Variants in WFDC10B observed in about 807,000 individuals in gnomAD.
WFDC10B encodes WAP four-disulfide core domain 10B.
A neutral mutation model predicts 2.7 loss-of-function variants in WFDC10B; 1 was observed. That is an observed-to-expected ratio of 0.38 (90% CI 0.13 to 1.79). WFDC10B has a LOEUF of 1.79. Among genes scored for constraint, WFDC10B ranks in the 40% most tolerant of loss-of-function variants. The pLI, the probability that WFDC10B is intolerant of heterozygous loss-of-function variation, is 0.33. For missense variants in WFDC10B, 71 were observed against 87.8 expected (o/e 0.81, Z 0.76); for synonymous variants, 26 against 32.2 (o/e 0.81, Z 0.65).
At chr20:45,702,218 G>A in intron 2 of WFDC10B, 1 of 1,609,802 alleles carries the variant, frequency 6.2e-7, no homozygotes, top group Non-Finnish European at 8.5e-7. Context: ...CTGAGTAGGT[G>A]CTGGATCTGG....
At chr20:45,686,275 G>T (rs1164931787) in intron 2 of WFDC10B, among the ~76,000 whole-genome samples, 1 of 152,076 alleles carries the variant, frequency 6.6e-6, no homozygotes, top group Non-Finnish European at 1.5e-5. Context: ...TTTTCCAAAA[G>T]GTACTCTTTA....
intron 3 of WFDC10B, 67 bp downstream of exon 3, chr20:45,685,835 A>C: frequency 6.3e-7 from 1 of 1,591,614 alleles, no homozygotes. Context: ...TCCTACTCAG[A>C]CTGGACACAG....
At chr20:45,698,547 T>A (rs1984046328) in intron 2 of WFDC10B, among the ~76,000 whole-genome samples, 1 of 147,080 alleles carries the variant, frequency 6.8e-6, no homozygotes. Context: ...GTATCCAGAA[T>A]ATATTAAAGA....
intron 2 of WFDC10B, chr20:45,702,021 TG>T: frequency 9.5e-7 from 1 of 1,052,810 alleles, no homozygotes; most frequent in Non-Finnish European, 1.4e-6. Flanking sequence ...CTAGTCACAC[TG>T]GGCCTCCACT....
rs753922724 is a variant in WFDC10B at position 45,684,905 on chromosome 20, T to A, written c.147A>T (p.Ser49=). The A allele has an allele frequency of 5.0e-6, 8 of 1,613,956 alleles. No homozygotes were observed. Among genetic ancestry groups the A allele is most frequent in the Non-Finnish European group, 6.8e-6 (8 of 1,179,986 alleles). ...TATTTGTTTCACACTTTTGGAAATA[T>A]GAACAGTGGTGGATGCATAGATCTA... The part of the protein sequence containing the change: ...PSIDLCIHHC[S]YFQKCETNKI... The change falls in exon 4 of 4, where the codon TCA becomes TCT. Residue 49 remains serine, a synonymous_variant. Coordinates refer to ENST00000330523, the MANE Select transcript of WFDC10B (RefSeq NM_172006.2).
intron 2 of WFDC10B, chr20:45,702,289 C>A: frequency 7.1e-7 from 1 of 1,403,052 alleles, no homozygotes; most frequent in Non-Finnish European, 9.9e-7. Flanking sequence ...CAGTCTGTCA[C>A]ACCTCTTGGA....
intron 3 of WFDC10B, 116 bp downstream of exon 3, chr20:45,685,786 G>T: frequency 6.8e-7 from 1 of 1,479,268 alleles, no homozygotes; most frequent in Non-Finnish European, 9.1e-7. Flanking sequence ...ACAGCATTGT[G>T]GTCAGAGCTG....
chr20:45,704,804 C>T (rs1052688439), intron 1 of WFDC10B, 114 bp downstream of exon 1: 4 of 1,306,820 alleles, frequency 3.1e-6, no homozygotes, highest in Non-Finnish European at 4.4e-6. Flanking sequence ...TCACCACATC[C>T]CATCACCATA....
rs1287140090 is a variant in WFDC10B at position 45,704,651 on chromosome 20, G to GA, written c.-129-91dup. The GA allele has an allele frequency of 1.9e-6, 3 of 1,590,678 alleles. No individual in the cohort carries two copies. In the African/African-American group the frequency reaches 4.1e-5, roughly 22 times the overall value. On this transcript the variant is annotated intron_variant, in intron 1 of 3. Coordinates refer to ENST00000330523, the MANE Select transcript of WFDC10B (RefSeq NM_172006.2). The stretch of plus-strand genomic sequence containing the variant: ...TAGAGCTGCTGGTGGGAGCCCAGCA[G>GA]AAGAGTCCCTTACCAGCAACTGTGC...
At chr20:45,688,291 T>C (rs935779166) in intron 2 of WFDC10B, among the ~76,000 whole-genome samples, 323 of 152,118 alleles carry the variant, frequency 2.1e-3, no homozygotes, top group Admixed American at 3.3e-3. Flanking sequence ...ACATTTGGGT[T>C]GGTTCCAAGT....
At chr20:45,703,919 T>C (rs969546711) in intron 2 of WFDC10B, among the ~76,000 whole-genome samples, 1 of 152,176 alleles carries the variant, frequency 6.6e-6, no homozygotes, top group Non-Finnish European at 1.5e-5. Flanking sequence ...GGGTCCCAGC[T>C]CTCTGATCCA....
intron 2 of WFDC10B, among the ~76,000 whole-genome samples, chr20:45,699,695 T>C (rs542466706): frequency 2.0e-5 from 3 of 152,328 alleles, no homozygotes; most frequent in Admixed American, 6.5e-5. Context: ...TTTTTCTCTT[T>C]TGAGACAAAG....
chr20:45,703,747 A>T lies in WFDC10B; in HGVS notation c.-65+750T>A, dbSNP rs115816498. On this transcript the variant is annotated intron_variant, in intron 2 of 3. Coordinates refer to ENST00000330523, the MANE Select transcript of WFDC10B (RefSeq NM_172006.2). Reference sequence around the variant, plus strand: ...GAGGAAATAGGAAGTCAACATAATGATGCTTATTCTTCTCTAACAGTAGAA... The same window carrying T: ...GAGGAAATAGGAAGTCAACATAATGTTGCTTATTCTTCTCTAACAGTAGAA... Among the ~76,000 whole-genome samples the T allele has an allele frequency of 4.3e-3, 651 of 152,276 alleles. 1 individual carries two copies. The highest frequency in any genetic ancestry group is 0.015 in the African/African-American group (620 of 41,558).
chr20:45,685,777 C>T, intron 3 of WFDC10B, 125 bp downstream of exon 3: 1 of 1,462,478 alleles, frequency 6.8e-7, no homozygotes. Context: ...AGAGTCTGCA[C>T]AGCATTGTGG....
At chr20:45,698,799 T>C (rs2145641330) in intron 2 of WFDC10B, among the ~76,000 whole-genome samples, 1 of 151,934 alleles carries the variant, frequency 6.6e-6, no homozygotes, top group African/African-American at 2.4e-5. Flanking sequence ...AAACCCTGTC[T>C]CTACTAAAAA....
chr20:45,696,018 G>A (rs1983965442), intron 2 of WFDC10B, among the ~76,000 whole-genome samples: 1 of 152,074 alleles, frequency 6.6e-6, no homozygotes, highest in African/African-American at 2.4e-5. Flanking sequence ...CAGGCGCAGT[G>A]GCTCACGCCT....
At chr20:45,693,273 C>G (rs2145637913) in intron 2 of WFDC10B, among the ~76,000 whole-genome samples, 1 of 152,332 alleles carries the variant, frequency 6.6e-6, no homozygotes, top group South Asian at 2.1e-4. Flanking sequence ...GCTCAGGAGT[C>G]AGGGGTCAGG....
intron 2 of WFDC10B, among the ~76,000 whole-genome samples, chr20:45,689,515 A>C (rs1983738933): frequency 6.6e-6 from 1 of 151,910 alleles, no homozygotes; most frequent in African/African-American, 2.4e-5. Context: ...CTTTTATTTC[A>C]TTGAGCAGTG....
chr20:45,694,159 G>A (rs189881330), intron 2 of WFDC10B, among the ~76,000 whole-genome samples: 106 of 152,202 alleles, frequency 7.0e-4, no homozygotes, highest in African/African-American at 2.4e-3. Flanking sequence ...GTCAATTTTT[G>A]CTTTTGTTGC....
Sources: allele counts gnomAD v4.1 joint callset (sites outside exome capture counted in the v4.1 genomes callset), GRCh38; gene constraint gnomAD v4.1.1; transcripts MANE v1.5; gene names NCBI Gene and HGNC (gene_info 2026-07-23, HGNC 2026-07-21).